The following GLG1 variants were observed in gnomAD, a reference collection of about 807,000 sequenced individuals.
The protein encoded by GLG1 is Golgi apparatus protein 1.
In GLG1, 38 loss-of-function variants were observed where a neutral mutation model predicts 160.5. The observed-to-expected ratio is 0.24, with a 90% confidence interval of 0.18 to 0.31. The LOEUF (loss-of-function observed/expected upper bound fraction) is 0.31, where lower values mean the gene tolerates loss of function less well. Among genes scored for constraint, GLG1 ranks in the 10% least tolerant of loss-of-function variants. The pLI is 1.00. For missense variants in GLG1, 1,373 were observed against 1,505.2 expected, an observed-to-expected ratio of 0.91 and a Z score of 1.45; for synonymous variants, 644 against 543.4, an observed-to-expected ratio of 1.19 and a Z score of -2.57.
intron 11 of GLG1, among the ~76,000 whole-genome samples, chr16:74,478,858 A>G (rs1167773715): frequency 2.2e-5 from 3 of 139,384 alleles, no homozygotes; most frequent in Admixed American, 7.6e-5. Context: ...ACACCACTGC[A>G]CTCCAGCCTG....
intron 1 of GLG1, among the ~76,000 whole-genome samples, chr16:74,550,696 A>C (rs944685596): frequency 3.9e-5 from 6 of 152,344 alleles, no homozygotes; most frequent in Non-Finnish European, 4.4e-5. Flanking sequence ...ACAAAGATGC[A>C]AAAGTCAAGA....
intron 4 of GLG1, among the ~76,000 whole-genome samples, chr16:74,499,690 CT>C (rs1261774810): frequency 1.1e-4 from 17 of 152,130 alleles, no homozygotes. Flanking sequence ...CTAAATGTAA[CT>C]ACACTGGCAT....
intron 10 of GLG1, among the ~76,000 whole-genome samples, chr16:74,481,954 T>C (rs1004822741): frequency 2.0e-5 from 3 of 151,700 alleles, no homozygotes; most frequent in African/African-American, 7.3e-5. Context: ...GCCCGGCTAA[T>C]TTTTTTTGTA....
At chr16:74,563,816 T>C (rs1475232464) in intron 1 of GLG1, among the ~76,000 whole-genome samples, 2 of 152,146 alleles carry the variant, frequency 1.3e-5, no homozygotes, top group Admixed American at 6.5e-5. Flanking sequence ...AAGGCTATGG[T>C]TACAAAACAG....
chr16:74,463,544 CTTT>C, intron 19 of GLG1, 65 bp from the exon 20 acceptor site: 2 of 1,355,858 alleles, frequency 1.5e-6, no homozygotes, highest in Non-Finnish European at 1.0e-6. Context: ...TCTGCGACCA[CTTT>C]TTTTTTTCTG....
rs1006232263 is a variant in GLG1, at chr16:74,472,331, C to T, written c.2115+18G>A. On this transcript the variant is annotated intron_variant, in intron 14 of 25. Coordinates refer to ENST00000422840, the MANE Select transcript of GLG1 (RefSeq NM_001145667.2). ...TTTGTTTCTGTTTTTAACCCTTGCT[C>T]CTCCAGACATCACTTACGTGGCAGA... 1.9e-6 allele frequency: 3 copies of T among 1,584,648 alleles called. No homozygotes were observed. The highest frequency in any genetic ancestry group is 2.6e-6 in the Non-Finnish European group (3 of 1,153,608).
In GLG1 at chr16:74,514,135, C is replaced by A. The variant is rs554910053; in HGVS notation, c.472-5210G>T. 1.8e-4 allele frequency among the ~76,000 whole-genome samples: 28 copies of A among 152,196 alleles called. No individual in the cohort carries two copies. In the South Asian group the frequency reaches 3.1e-3, roughly 17 times the overall value. Reference sequence around the variant, plus strand: ...AACAAAACCTCCAAGAAATATGGCACTATGTGAAAAGACCAAATCTGCATT... The same window carrying A: ...AACAAAACCTCCAAGAAATATGGCAATATGTGAAAAGACCAAATCTGCATT... On this transcript the variant is annotated intron_variant, in intron 2 of 25. Coordinates refer to ENST00000422840, the MANE Select transcript of GLG1 (RefSeq NM_001145667.2).
intron 4 of GLG1, among the ~76,000 whole-genome samples, chr16:74,502,104 G>A (rs879884724): frequency 6.6e-6 from 1 of 152,150 alleles, no homozygotes; most frequent in Non-Finnish European, 1.5e-5. Context: ...TGCCAACCAT[G>A]AACAAATAGA....
chr16:74,603,641 G>GA lies in GLG1; in HGVS notation c.438+3015dup, dbSNP rs200282941. Among the ~76,000 whole-genome samples the GA allele has an allele frequency of 2.2e-3, 319 of 142,750 alleles. 8 individuals are homozygous for GA. The East Asian group carries it at 0.049, about 22-fold the overall frequency. 93.6% of individuals were successfully genotyped at this position (142,750 alleles called of 152,430 possible). ...AACTTCGAAATACAAGACACTAGTG[G>GA]AAAAAAAAAAAGTGCTACTGGCCAT... On this transcript the variant is annotated intron_variant, in intron 1 of 25. Coordinates refer to ENST00000422840, the MANE Select transcript of GLG1 (RefSeq NM_001145667.2).
chr16:74,494,528 T>G (rs2016116753), intron 6 of GLG1, among the ~76,000 whole-genome samples: 1 of 149,162 alleles, frequency 6.7e-6, no homozygotes, highest in African/African-American at 2.5e-5. Context: ...TGCTTCAGCC[T>G]CCCGAGTAGC....
At chr16:74,501,989 G>A (rs867175755) in intron 4 of GLG1, among the ~76,000 whole-genome samples, 1 of 152,204 alleles carries the variant, frequency 6.6e-6, no homozygotes, top group Non-Finnish European at 1.5e-5. Context: ...GGGCATCAGG[G>A]CTTTGGTGAC....
At position 74,524,783 on chromosome 16, in the gene GLG1, G is replaced by C. The variant is rs147490672; in HGVS notation, c.471+7338C>G. Among the ~76,000 whole-genome samples the C allele has an allele frequency of 4.7e-4, 71 of 152,212 alleles. 1 individual carries two copies. The East Asian group carries it at 7.9e-3, about 17-fold the overall frequency. On this transcript the variant is annotated intron_variant, in intron 2 of 25. Transcript: ENST00000422840. Reference sequence around the variant, plus strand: ...ATTCGCCCTTCCAGAGCACAACTCAGAGGTTATGGTTGTACAATCATCACC... The same window carrying C: ...ATTCGCCCTTCCAGAGCACAACTCACAGGTTATGGTTGTACAATCATCACC...
At chr16:74,600,042 GCAAAA>G (rs1958403389) in intron 1 of GLG1, among the ~76,000 whole-genome samples, 1 of 151,412 alleles carries the variant, frequency 6.6e-6, no homozygotes, top group African/African-American at 2.4e-5. Context: ...TTAACCAAAA[GCAAAA>G]CAAAACAAAA....
intron 8 of GLG1, among the ~76,000 whole-genome samples, chr16:74,489,092 G>A (rs2059261576): frequency 6.6e-6 from 1 of 152,146 alleles, no homozygotes; most frequent in Admixed American, 6.6e-5. Context: ...AAAGCCCTGG[G>A]TGTGAATTAG....
At chr16:74,548,780 A>T (rs575877805) in intron 1 of GLG1, among the ~76,000 whole-genome samples, 1 of 152,118 alleles carries the variant, frequency 6.6e-6, no homozygotes, top group Non-Finnish European at 1.5e-5. Flanking sequence ...CGGATCACAT[A>T]AGGTCAGGAG....
intron 8 of GLG1, among the ~76,000 whole-genome samples, chr16:74,487,729 T>C (rs2015843969): frequency 6.6e-6 from 1 of 152,156 alleles, no homozygotes; most frequent in Non-Finnish European, 1.5e-5. Flanking sequence ...CAGTTAAATA[T>C]CCATGACTGA....
At chr16:74,458,278 C>A in intron 23 of GLG1, 1 of 286,172 alleles carries the variant, frequency 3.5e-6, no homozygotes, top group Middle Eastern at 1.0e-3. Flanking sequence ...TATGTCATGT[C>A]GTATCATTTT....
rs764483025 is a variant in GLG1, at chr16:74,607,073, G to A, written c.22C>T (p.Arg8Trp). The A allele has an allele frequency of 3.4e-5, 54 of 1,569,444 alleles. No individual in the cohort carries two copies. In the Middle Eastern group the frequency reaches 8.3e-4, roughly 24 times the overall value. The change falls in exon 1 of 26, where the codon CGG (arginine) becomes TGG (tryptophan). Residue 8 changes from arginine (R) to tryptophan (W), a missense_variant. By Grantham distance (101) the Arg-to-Trp change is moderately radical. Coordinates refer to ENST00000422840, the MANE Select transcript of GLG1 (RefSeq NM_001145667.2). MAACGRV[R>W]RMFRLSAALH... The stretch of plus-strand genomic sequence containing the variant: ...GCCGCCGACAAGCGGAACATCCTCC[G>A]TACACGTCCACACGCCGCCATCTTG...
intron 25 of GLG1, among the ~76,000 whole-genome samples, chr16:74,455,810 C>T (rs534109944): frequency 2.8e-4 from 42 of 152,342 alleles, no homozygotes; most frequent in Non-Finnish European, 5.0e-4. Context: ...AGTCAGTTTC[C>T]TTCACTGTAA....
Sources: allele counts gnomAD v4.1 joint callset (sites outside exome capture counted in the v4.1 genomes callset), GRCh38; gene constraint gnomAD v4.1.1; transcripts MANE v1.5; gene names NCBI Gene and HGNC (gene_info 2026-07-23, HGNC 2026-07-21).